ACER3: variants seen among roughly 807,000 people sequenced by gnomAD.
ACER3 encodes the protein alkaline ceramidase 3.
ACER3 carries 16 observed loss-of-function variants against 48.9 expected under a neutral mutation model. The observed-to-expected ratio is 0.33, with a 90% CI of 0.22 to 0.50. The LOEUF (loss-of-function observed/expected upper bound fraction) is 0.50, where lower values mean the gene tolerates loss of function less well. Ranked by LOEUF, ACER3 falls within the 20% of genes least tolerant of loss-of-function variation. The probability of loss-of-function intolerance (pLI) is 0.98; values close to 1 mark genes in which losing one functional copy is unlikely to be tolerated. For synonymous variants in ACER3, 109 were observed against 107.8 expected (o/e 1.01, Z -0.07); for missense variants, 227 against 326.0 (o/e 0.70, Z 2.34).
In ACER3 at chr11:76,917,550, C is replaced by CA. The variant is rs1417101569; in HGVS notation, c.104-9000dup. ...GCAACATAAGAAGACCTCGTCAGTA[C>CA]AAAAAAACCAAAATATATATAATTG... On this transcript the variant is annotated intron_variant, in intron 1 of 10. Transcript: ENST00000532485. Among the ~76,000 whole-genome samples the CA allele has an allele frequency of 7.9e-5, 12 of 151,212 alleles. No homozygotes were observed. In the South Asian group the frequency reaches 1.3e-3, roughly 16 times the overall value.
chr11:76,966,509 C>G (rs954190011), intron 3 of ACER3, among the ~76,000 whole-genome samples: 1 of 150,898 alleles, frequency 6.6e-6, no homozygotes. Flanking sequence ...AATATACATT[C>G]TTTTCAGCAC....
At chr11:76,965,159 G>A (rs1293387434) in intron 3 of ACER3, among the ~76,000 whole-genome samples, 4 of 151,362 alleles carry the variant, frequency 2.6e-5, no homozygotes, top group African/African-American at 7.4e-5. Flanking sequence ...ACTACGTGAC[G>A]AATGCACAAG....
chr11:76,939,223 A>G lies in ACER3; in HGVS notation c.214+12556A>G, dbSNP rs1266990927. ...ATTTAGGCAAGAGTCATCAGTGAAT[A>G]TAAAACTATTTGGTCAGAGTGTTTG... On this transcript the variant is annotated intron_variant, in intron 2 of 10. Coordinates refer to ENST00000532485, the MANE Select transcript of ACER3 (RefSeq NM_018367.7). Among the ~76,000 whole-genome samples, 4 of 152,368 alleles carry G rather than the reference A, an allele frequency of 2.6e-5. No individual in the cohort carries two copies. In the East Asian group the frequency reaches 5.8e-4, roughly 22 times the overall value.
chr11:77,020,574 T>A lies in ACER3; in HGVS notation c.*247T>A. On this transcript the variant is annotated 3_prime_UTR_variant, in exon 11 of 11. Transcript: ENST00000532485. ...CCAGTTTATAAAGAAACAGAGATGA[T>A]GTGTGTGTATGCCTCAAATGCAGAA... 1 of 465,446 alleles carries A rather than the reference T, an allele frequency of 2.1e-6. No homozygotes were observed. The highest frequency in any genetic ancestry group is 3.8e-5 in the East Asian group (1 of 26,256). 28.8% of individuals were successfully genotyped at this position (465,446 alleles called of 1,614,324 possible).
chr11:76,924,979 A>AAAAAAAC lies in ACER3; in HGVS notation c.104-1572_104-1571insCAAAAAA, dbSNP rs1346334391. 5.7e-5 allele frequency among the ~76,000 whole-genome samples: 7 copies of AAAAAAAC among 123,848 alleles called. No individual in the cohort carries two copies. In the South Asian group the frequency reaches 1.3e-3, roughly 22 times the overall value. 81.2% of individuals were successfully genotyped at this position (123,848 alleles called of 152,430 possible). On this transcript the variant is annotated intron_variant, in intron 1 of 10. Transcript: ENST00000532485. The stretch of plus-strand genomic sequence containing the variant: ...CAACAGAGGAAGACTCTGTCAAAAA[A>AAAAAAAC]AAAAAAAAAAAAAACACCAAAAATT...
chr11:77,001,055 T>C (rs1393175711), intron 7 of ACER3, among the ~76,000 whole-genome samples: 3 of 152,244 alleles, frequency 2.0e-5, no homozygotes, highest in Non-Finnish European at 2.9e-5. Context: ...AGTATGTCTC[T>C]TGATTTATTT....
At chr11:77,007,104 C>A (rs1949167129) in intron 7 of ACER3, among the ~76,000 whole-genome samples, 1 of 140,926 alleles carries the variant, frequency 7.1e-6, no homozygotes, top group South Asian at 2.5e-4. Context: ...AGAGCAAGAC[C>A]CTGTCTCTTG....
chr11:76,964,724 A>G (rs1312033039), intron 3 of ACER3, among the ~76,000 whole-genome samples: 2 of 151,320 alleles, frequency 1.3e-5, no homozygotes, highest in Non-Finnish European at 1.5e-5. Context: ...GACCTCCAGC[A>G]AACTCCAACA....
chr11:76,864,596 A>ATTTTTTTTTT lies in ACER3; in HGVS notation c.103+3529_103+3538dup, dbSNP rs772026324. On this transcript the variant is annotated intron_variant, in intron 1 of 10. Coordinates refer to ENST00000532485, the MANE Select transcript of ACER3 (RefSeq NM_018367.7). ...ACATAACTCATAATATGGAATGGGTATTTTTTTTTTTTTTTTTTTTTGAGG... is the reference window on the plus strand; with the variant it reads ...ACATAACTCATAATATGGAATGGGTATTTTTTTTTTTTTTTTTTTTTTTTTTTTTTTGAGG... Among the ~76,000 whole-genome samples, 664 of 99,902 alleles carry ATTTTTTTTTT rather than the reference A, an allele frequency of 6.6e-3. 41 individuals carry two copies. Among genetic ancestry groups the ATTTTTTTTTT allele is most frequent in the Non-Finnish European group, 0.011 (535 of 49,480 alleles). 65.5% of individuals were successfully genotyped at this position (99,902 alleles called of 152,430 possible).
At chr11:77,019,330 G>A (rs1565231527) in intron 9 of ACER3, among the ~76,000 whole-genome samples, 1 of 152,090 alleles carries the variant, frequency 6.6e-6, no homozygotes, top group Non-Finnish European at 1.5e-5. Context: ...GTTGTGGCAG[G>A]CGCCTGTAAT....
chr11:76,885,142 T>G (rs559996693), intron 1 of ACER3, among the ~76,000 whole-genome samples: 1 of 152,342 alleles, frequency 6.6e-6, no homozygotes, highest in East Asian at 1.9e-4. Flanking sequence ...TTTTTTATTC[T>G]TTACTTACAA....
At chr11:76,984,502 G>A (rs1482240506) in intron 4 of ACER3, among the ~76,000 whole-genome samples, 1 of 152,142 alleles carries the variant, frequency 6.6e-6, no homozygotes, top group African/African-American at 2.4e-5. Flanking sequence ...CAGCCAGTTA[G>A]TAAACTGAGA....
At chr11:76,868,627 G>C (rs1210834166) in intron 1 of ACER3, among the ~76,000 whole-genome samples, 3 of 152,208 alleles carry the variant, frequency 2.0e-5, no homozygotes. Context: ...TCATTACAGA[G>C]AGAGTCCTGC....
intron 1 of ACER3, among the ~76,000 whole-genome samples, chr11:76,898,633 G>T (rs1302056757): frequency 6.6e-6 from 1 of 151,680 alleles, no homozygotes; most frequent in African/African-American, 2.4e-5. Flanking sequence ...GGCCGGGCGC[G>T]GTGGCTCACG....
intron 1 of ACER3, among the ~76,000 whole-genome samples, chr11:76,896,519 A>AT (rs1945934939): frequency 6.6e-6 from 1 of 151,978 alleles, no homozygotes; most frequent in Admixed American, 6.5e-5. Flanking sequence ...GACTAGTAGA[A>AT]TCCCCCCTCC....
chr11:77,007,397 G>T (rs942829027), intron 7 of ACER3, among the ~76,000 whole-genome samples: 1 of 152,156 alleles, frequency 6.6e-6, no homozygotes, highest in Non-Finnish European at 1.5e-5. Context: ...GGTACTCGTA[G>T]AAGTCTAGGT....
At chr11:76,865,138 A>AT (rs35627838) in intron 1 of ACER3, among the ~76,000 whole-genome samples, 71,362 of 128,258 alleles carry the variant, frequency 0.56, 22,564 homozygotes, top group Non-Finnish European at 0.73. Flanking sequence ...TGCCCAGCTA[A>AT]TTTTTTTTTT....
chr11:77,005,996 T>TATATATATATACATATATATATATATA (rs1272310391), intron 7 of ACER3, among the ~76,000 whole-genome samples: 2 of 88,900 alleles, frequency 2.2e-5, no homozygotes, highest in African/African-American at 6.8e-5. Context: ...TATATATTTT[T>TATATATATATACATATATATATATATA]TTTTTTTTTT....
intron 1 of ACER3, among the ~76,000 whole-genome samples, chr11:76,894,320 T>C (rs892239164): frequency 6.6e-6 from 1 of 152,152 alleles, no homozygotes; most frequent in African/African-American, 2.4e-5. Context: ...CTTTAATAAT[T>C]AGATAAATGC....
Sources: allele counts gnomAD v4.1 joint callset (sites outside exome capture counted in the v4.1 genomes callset), GRCh38; gene constraint gnomAD v4.1.1; transcripts MANE v1.5; gene names NCBI Gene and HGNC (gene_info 2026-07-23, HGNC 2026-07-21).